Variants in NAALADL2 observed in about 807,000 individuals in gnomAD.
The protein encoded by NAALADL2 is inactive N-acetylated-alpha-linked acidic dipeptidase-like protein 2.
A neutral mutation model predicts 87.2 loss-of-function variants in NAALADL2; 76 were observed. That is an observed-to-expected ratio of 0.87 (90% CI 0.72 to 1.05). The LOEUF (loss-of-function observed/expected upper bound fraction) is 1.05, where lower values mean the gene tolerates loss of function less well. Ranked by LOEUF, NAALADL2 falls within the 50% of genes least tolerant of loss-of-function variation. The pLI is 0.00. For synonymous variants in NAALADL2, 354 were observed against 331.0 expected (o/e 1.07, Z -0.75); for missense variants, 1,089 against 945.8 (o/e 1.15, Z -1.99).
chr3:175,195,824 G>A (rs1580874221), intron 2 of NAALADL2, among the ~76,000 whole-genome samples: 1 of 151,870 alleles, frequency 6.6e-6, no homozygotes, highest in African/African-American at 2.4e-5. Flanking sequence ...TGCTTCAATG[G>A]TATAATCCTT....
chr3:175,320,395 G>A lies in NAALADL2; in HGVS notation c.940-3780G>A, dbSNP rs900116360. Among the ~76,000 whole-genome samples the A allele has an allele frequency of 3.3e-5, 5 of 152,072 alleles. No individual in the cohort carries two copies. The East Asian group carries it at 7.7e-4, about 23-fold the overall frequency. The stretch of plus-strand genomic sequence containing the variant: ...AGGGTCTATTCTCAAAACATTTAAC[G>A]ACGGGGGCAGAACAAGGGTTGATCT... On this transcript the variant is annotated intron_variant, in intron 4 of 13. Coordinates refer to ENST00000454872, the MANE Select transcript of NAALADL2 (RefSeq NM_207015.3).
intron 11 of NAALADL2, among the ~76,000 whole-genome samples, chr3:175,728,716 T>C (rs529615145): frequency 3.3e-5 from 5 of 152,284 alleles, no homozygotes; most frequent in African/African-American, 1.2e-4. Context: ...AGGCTATGAT[T>C]TATCAGGTTA....
At chr3:175,453,618 C>T (rs1251446395) in intron 6 of NAALADL2, among the ~76,000 whole-genome samples, 1 of 152,098 alleles carries the variant, frequency 6.6e-6, no homozygotes, top group Non-Finnish European at 1.5e-5. Context: ...ATAAGCAGAG[C>T]ATAAGCAACT....
At chr3:175,664,457 T>A (rs1285928018) in intron 11 of NAALADL2, among the ~76,000 whole-genome samples, 1 of 152,104 alleles carries the variant, frequency 6.6e-6, no homozygotes, top group Non-Finnish European at 1.5e-5. Flanking sequence ...AAAAGCCAGT[T>A]GTAGTAGAGA....
intron 1 of NAALADL2, among the ~76,000 whole-genome samples, chr3:174,901,000 CAA>C (rs1326694507): frequency 6.6e-6 from 1 of 151,996 alleles, no homozygotes; most frequent in Non-Finnish European, 1.5e-5. Flanking sequence ...GGGTTGAAGA[CAA>C]AGACACTTGA....
chr3:175,488,141 T>G (rs952865180), intron 9 of NAALADL2, among the ~76,000 whole-genome samples: 3 of 152,232 alleles, frequency 2.0e-5, no homozygotes, highest in African/African-American at 7.2e-5. Flanking sequence ...CAACTTTTGT[T>G]TAATTCTACA....
intron 4 of NAALADL2, among the ~76,000 whole-genome samples, chr3:175,262,575 A>AGTGTGAGTGT (rs1553841752): frequency 6.1e-5 from 9 of 147,012 alleles, no homozygotes; most frequent in Non-Finnish European, 1.2e-4. Flanking sequence ...ATGTTGTGTG[A>AGTGTGAGTGT]GTGTGTGTGT....
intron 2 of NAALADL2, among the ~76,000 whole-genome samples, chr3:174,713,472 C>T (rs1406065808): frequency 2.0e-5 from 3 of 151,464 alleles, no homozygotes; most frequent in African/African-American, 7.4e-5. Flanking sequence ...CCTGTTGTTT[C>T]CTGACTTTTT....
chr3:175,258,436 G>A (rs1750458338), intron 4 of NAALADL2, among the ~76,000 whole-genome samples: 1 of 151,994 alleles, frequency 6.6e-6, no homozygotes, highest in Admixed American at 6.6e-5. Context: ...GTGGAGTGGT[G>A]GGAGCTAGAA....
chr3:175,788,283 G>A (rs1368938853), intron 13 of NAALADL2, among the ~76,000 whole-genome samples: 1 of 151,700 alleles, frequency 6.6e-6, no homozygotes, highest in Non-Finnish European at 1.5e-5. Flanking sequence ...TGTAAAGATG[G>A]GGTTTGTCAT....
At chr3:174,943,724 G>T (rs1022892962) in intron 1 of NAALADL2, among the ~76,000 whole-genome samples, 2 of 152,182 alleles carry the variant, frequency 1.3e-5, no homozygotes, top group Admixed American at 6.5e-5. Flanking sequence ...TTCCCTATTT[G>T]GTGATGAGCA....
chr3:174,958,148 G>C (rs1553903475), intron 1 of NAALADL2, among the ~76,000 whole-genome samples: 1 of 142,592 alleles, frequency 7.0e-6, no homozygotes, highest in Non-Finnish European at 1.5e-5. Context: ...TTTTTTTTCA[G>C]TTTCTTTATT....
At chr3:174,987,568 CAAAAAAAAAA>C (rs1159602995) in intron 1 of NAALADL2, among the ~76,000 whole-genome samples, 709 of 20,714 alleles carry the variant, frequency 0.034, 2 homozygotes, top group Middle Eastern at 0.17. Flanking sequence ...GACTCCGTCT[CAAAAAAAAAA>C]AAAAAAAAAA....
intron 3 of NAALADL2, among the ~76,000 whole-genome samples, chr3:174,795,333 T>C (rs912247229): frequency 2.6e-5 from 4 of 152,066 alleles, no homozygotes; most frequent in African/African-American, 7.2e-5. Context: ...TATTTAAATA[T>C]AGTATAATGG....
chr3:175,171,063 AAATAT>A (rs1447660621), intron 2 of NAALADL2, among the ~76,000 whole-genome samples: 1 of 152,000 alleles, frequency 6.6e-6, no homozygotes, highest in African/African-American at 2.4e-5. Flanking sequence ...TTATTATTTG[AAATAT>A]AATATATAGT....
rs564650325 is a variant in NAALADL2 at position 174,580,778 on chromosome 3, C to A, written c.-115+30141C>A. Among the ~76,000 whole-genome samples the A allele has an allele frequency of 2.6e-5, 4 of 152,152 alleles. No homozygotes were observed. The South Asian group carries it at 8.3e-4, about 32-fold the overall frequency. On this transcript the variant is annotated intron_variant, in intron 2 of 3. Transcript: ENST00000434257. Reference sequence around the variant, plus strand: ...TGAAGGAAATTTGGCTTATTTTCAGCTTTGGGCTATGAACATTTGAGTGCA... The same window carrying A: ...TGAAGGAAATTTGGCTTATTTTCAGATTTGGGCTATGAACATTTGAGTGCA...
chr3:175,157,058 G>C (rs1283205600), intron 2 of NAALADL2, among the ~76,000 whole-genome samples: 2 of 151,692 alleles, frequency 1.3e-5, no homozygotes, highest in Non-Finnish European at 2.9e-5. Flanking sequence ...CAAATCACCT[G>C]TCTTCTTTCA....
chr3:175,086,047 C>A (rs532598532), intron 1 of NAALADL2, among the ~76,000 whole-genome samples: 1 of 152,094 alleles, frequency 6.6e-6, no homozygotes, highest in African/African-American at 2.4e-5. Context: ...AAGAGTCTTT[C>A]GTTTTTCATA....
At chr3:174,601,504 C>T (rs573099342) in intron 2 of NAALADL2, among the ~76,000 whole-genome samples, 3 of 151,876 alleles carry the variant, frequency 2.0e-5, no homozygotes, top group Non-Finnish European at 4.4e-5. Flanking sequence ...GATTTTTTTG[C>T]TATAGATTTG....
Sources: gnomAD v4.1 joint callset for allele counts (sites outside exome capture counted in the v4.1 genomes callset) on GRCh38, gnomAD v4.1.1 for gene constraint, MANE v1.5 for transcripts, NCBI Gene and HGNC (gene_info 2026-07-23, HGNC 2026-07-21) for gene names.